Variants in KCNH4 observed in about 807,000 individuals in gnomAD.
KCNH4 encodes the protein potassium voltage-gated channel subfamily H member 4, also known as voltage-gated delayed rectifier potassium channel KCNH4.
Under a neutral mutation model 90.7 loss-of-function variants are expected in KCNH4, and 33 were observed. The observed-to-expected ratio is 0.36, with a 90% CI of 0.28 to 0.49. KCNH4 has a LOEUF of 0.49. KCNH4 is among the 20% of genes least tolerant of loss of function. KCNH4 has a pLI of 0.98. For missense variants in KCNH4, 1,044 were observed against 1,387.1 expected, an observed-to-expected ratio of 0.75 and a Z score of 3.93; for synonymous variants, 551 against 581.7, an observed-to-expected ratio of 0.95 and a Z score of 0.76.
chr17:42,160,654 C>A (rs144247385), intron 15 of KCNH4, among the ~76,000 whole-genome samples: 122 of 152,328 alleles, frequency 8.0e-4, no homozygotes, highest in African/African-American at 2.9e-3. Flanking sequence ...CCTACACACA[C>A]ACGCGCGCGC....
Position 42,163,803 on chromosome 17 carries a change from G to C in KCNH4, c.2280C>G (p.Ser760Arg), listed in dbSNP as rs1161465602. 8 of 1,534,840 alleles carry C rather than the reference G, an allele frequency of 5.2e-6. No individual in the cohort carries two copies. In the Admixed American group the frequency reaches 1.7e-4, roughly 33 times the overall value. Residue 760 changes from serine (S) to arginine (R), a missense_variant, in exon 13 of 17, where the codon AGC (serine) becomes AGG (arginine). By Grantham distance (110) the Ser-to-Arg change is moderately radical. Coordinates refer to ENST00000264661, the MANE Select transcript of KCNH4 (RefSeq NM_012285.3). This position sits in a 1 kb window ranked among gnomAD's most constrained non-coding sequence, Gnocchi z 5.4. ...SPARPRGSLV[S>R]LLGEELPPFS... ...ATGGGGGCAGCTCCTCGCCCAAAAG[G>C]CTGACCAGGGAGCCCCGAGGCCGTG...
rs1203333515 is a variant in KCNH4 at position 42,166,560 on chromosome 17, A to G, written c.1591-14T>C. 2 of 1,599,020 alleles carry G rather than the reference A, an allele frequency of 1.3e-6. No individual in the cohort carries two copies. Among genetic ancestry groups the G allele is most frequent in the Admixed American group, 1.7e-5 (1 of 59,626 alleles). On this transcript the variant is annotated splice_polypyrimidine_tract_variant and intron_variant, in intron 9 of 16. Coordinates refer to ENST00000264661, the MANE Select transcript of KCNH4 (RefSeq NM_012285.3). Reference sequence around the variant, plus strand: ...GTCACGCAGTAACTGCATAAGGGGCATAGGTCATTCTGGCCATCCCCCTGC... The same window carrying G: ...GTCACGCAGTAACTGCATAAGGGGCGTAGGTCATTCTGGCCATCCCCCTGC...
At chr17:42,164,288 AG>A (rs1204936852) in intron 11 of KCNH4, 120 bp from the exon 12 acceptor site, 2 of 865,578 alleles carry the variant, frequency 2.3e-6, no homozygotes, top group East Asian at 5.8e-5. Context: ...TGTGGAGCTG[AG>A]TCAGAAACTA....
In KCNH4 at chr17:42,163,516, A is replaced by G. The variant is rs564266154; in HGVS notation, c.2477+90T>C. 5.5e-5 allele frequency: 42 copies of G among 761,396 alleles called. No individual in the cohort carries two copies. The African/African-American group carries it at 6.8e-4, about 12-fold the overall frequency. 47.2% of individuals were successfully genotyped at this position (761,396 alleles called of 1,614,324 possible). A position where few individuals can be genotyped will look rare whatever the true frequency, so the allele number is the denominator to read the frequency against. ...GGGCACACGGGCAGAGACGGAATGT[A>G]GCACTGTTTGGAACGCCAGGGATAG... is the stretch of plus-strand genomic sequence containing the variant. On this transcript the variant is annotated intron_variant, in intron 13 of 16. Transcript: ENST00000264661. This position sits in a 1 kb window ranked among gnomAD's most constrained non-coding sequence, Gnocchi z 5.4.
chr17:42,161,944 A>C (rs1157356221), intron 15 of KCNH4, among the ~76,000 whole-genome samples: 2 of 146,976 alleles, frequency 1.4e-5, no homozygotes, highest in Non-Finnish European at 3.0e-5. Flanking sequence ...TAGCGTGAAT[A>C]TCTCTCTCTT....
chr17:42,173,726 A>G (rs1204434585), intron 6 of KCNH4, among the ~76,000 whole-genome samples: 5 of 80,494 alleles, frequency 6.2e-5, no homozygotes, highest in African/African-American at 2.3e-4. Context: ...TTTTTTTGAG[A>G]CAGAGTCCCT....
chr17:42,165,568 GCTGCAGGCC>G lies in KCNH4; in HGVS notation c.1957_1965del (p.Gly653_Gln655del). On this transcript the variant is annotated inframe_deletion, in exon 11 of 17. Transcript: ENST00000264661. ...TCAGCCAGCCCTCGGCTGCTCAGCT[GCTGCAGGCC>G]ACAGTAGGTCAGAGCTTTCACATCA... 1 of 1,614,210 alleles carries G rather than the reference GCTGCAGGCC, an allele frequency of 6.2e-7. No homozygotes were observed. The highest frequency in any genetic ancestry group is 8.5e-7 in the Non-Finnish European group (1 of 1,180,042).
At chr17:42,166,148 G>T (rs1455556709) in intron 10 of KCNH4, 149 bp downstream of exon 10, 1 of 981,554 alleles carries the variant, frequency 1.0e-6, no homozygotes, top group East Asian at 2.7e-5. Context: ...GTCGTAGGGC[G>T]GAGGGACCGA....
intron 9 of KCNH4, among the ~76,000 whole-genome samples, chr17:42,166,796 C>T (rs2079791318): frequency 6.6e-6 from 1 of 152,200 alleles, no homozygotes; most frequent in Admixed American, 6.5e-5. Context: ...ATGCTGGTCA[C>T]TTAACCCCAT....
At position 42,170,958 on chromosome 17, in the gene KCNH4, G is replaced by T. The variant is rs145999040; in HGVS notation, c.1196-657C>A. ...ATGTCCTGGGTCCAGGGGAGAGGCTGGTGTGGCTGCAGCGCAGGGAGCACG... is the reference window on the plus strand; with the variant it reads ...ATGTCCTGGGTCCAGGGGAGAGGCTTGTGTGGCTGCAGCGCAGGGAGCACG... On this transcript the variant is annotated intron_variant, in intron 7 of 16. Transcript: ENST00000264661. 7.2e-4 allele frequency among the ~76,000 whole-genome samples: 109 copies of T among 152,334 alleles called. 1 individual carries two copies. Among genetic ancestry groups the T allele is most frequent in the Middle Eastern group, 6.8e-3 (2 of 294 alleles).
intron 11 of KCNH4, 117 bp from the exon 12 acceptor site, chr17:42,164,285 C>A: frequency 1.1e-6 from 1 of 906,604 alleles, no homozygotes; most frequent in Non-Finnish European, 1.6e-6. Context: ...TTTTGTGGAG[C>A]TGAGTCAGAA....
chr17:42,169,454 A>T (rs2079810730), intron 9 of KCNH4, 23 bp downstream of exon 9: 1 of 1,609,828 alleles, frequency 6.2e-7, no homozygotes. Flanking sequence ...GGCAAGGGCA[A>T]GATTGGAGAC....
At chr17:42,178,679 ACAGT>A (rs2079880095) in intron 2 of KCNH4, 110 bp downstream of exon 2, 3 of 1,152,834 alleles carry the variant, frequency 2.6e-6, no homozygotes, top group Non-Finnish European at 3.7e-6. Flanking sequence ...ACGCTCCGTC[ACAGT>A]CAGCTTTTGG....
chr17:42,175,812 TG>T, intron 5 of KCNH4, 76 bp from the exon 6 acceptor site: 1 of 1,545,570 alleles, frequency 6.5e-7, no homozygotes, highest in Non-Finnish European at 8.9e-7. Flanking sequence ...GAACAAGCTT[TG>T]GAGACTGGAG....
chr17:42,172,061 C>T, intron 6 of KCNH4, 66 bp from the exon 7 acceptor site: 9 of 1,348,928 alleles, frequency 6.7e-6, no homozygotes, highest in Middle Eastern at 2.5e-4. Context: ...GAGTCCCCTC[C>T]CAGGGCCTTC....
chr17:42,178,510 TG>T, intron 2 of KCNH4, 33 bp from the exon 3 acceptor site: 4 of 1,612,398 alleles, frequency 2.5e-6, no homozygotes, highest in Non-Finnish European at 3.4e-6. Context: ...GGGAGGAGCA[TG>T]GGCAGCCCCA....
chr17:42,157,913 G>T (rs2079719780), intron 16 of KCNH4, among the ~76,000 whole-genome samples: 1 of 151,164 alleles, frequency 6.6e-6, no homozygotes, highest in South Asian at 2.1e-4. Context: ...CACTACACCT[G>T]GCTAATTTTT....
intron 7 of KCNH4, 132 bp from the exon 8 acceptor site, chr17:42,170,433 T>C: frequency 1.4e-6 from 1 of 722,300 alleles, no homozygotes; most frequent in Non-Finnish European, 2.2e-6. Flanking sequence ...GGGAGTGGCC[T>C]GGGCCTGTGT....
chr17:42,160,117 G>A lies in KCNH4; in HGVS notation c.2977C>T (p.Pro993Ser). Residue 993 changes from proline (P) to serine (S), a missense_variant, in exon 16 of 17, where the codon CCA becomes TCA. Pro to Ser is a moderately conservative substitution (Grantham distance 74, BLOSUM62 -1). This residue lies in a region of KCNH4 where 441 missense variants were observed against 512.3 expected (regional missense o/e 0.86). Coordinates refer to ENST00000264661, the MANE Select transcript of KCNH4 (RefSeq NM_012285.3). The part of the protein sequence containing the change: ...PSEPDPLGPS[P>S]VPEASPPTPS... Reference sequence around the variant, plus strand: ...GTTGGGGGTGAGGCCTCTGGCACTGGAGAGGGTCCCAGAGGGTCAGGCTCT... The same window carrying A: ...GTTGGGGGTGAGGCCTCTGGCACTGAAGAGGGTCCCAGAGGGTCAGGCTCT... 1.3e-6 allele frequency: 2 copies of A among 1,598,624 alleles called. No homozygotes were observed. Among genetic ancestry groups the A allele is most frequent in the South Asian group, 2.3e-5 (2 of 88,558 alleles).
Sources: gnomAD v4.1 joint callset for allele counts (sites outside exome capture counted in the v4.1 genomes callset) on GRCh38, gnomAD v4.1.1 for gene constraint, gnomAD v4.1.1 regional missense constraint, Gnocchi (gnomAD v3.1) non-coding constraint, MANE v1.5 for transcripts, NCBI Gene and HGNC (gene_info 2026-07-23, HGNC 2026-07-21) for gene names.